The following MAPK6 variants were observed in gnomAD, a reference collection of about 807,000 sequenced individuals.
MAPK6 encodes the protein mitogen-activated protein kinase 6, also known as ERK-3.
A neutral mutation model predicts 59.3 loss-of-function variants in MAPK6; 19 were observed. The observed-to-expected ratio is 0.32, with a 90% CI of 0.22 to 0.47. The LOEUF (loss-of-function observed/expected upper bound fraction) is 0.47. Among genes scored for constraint, MAPK6 ranks in the 20% least tolerant of loss-of-function variants. MAPK6 has a pLI of 1.00. For missense variants in MAPK6, 724 were observed against 847.9 expected (o/e 0.85, Z 1.81); for synonymous variants, 316 against 290.3 (o/e 1.09, Z -0.90).
At chr15:52,034,219 A>T (rs1216248991) in intron 1 of MAPK6, among the ~76,000 whole-genome samples, 2 of 152,028 alleles carry the variant, frequency 1.3e-5, no homozygotes, top group Non-Finnish European at 2.9e-5. Context: ...TCCTCACCTC[A>T]GGTGATCCGC....
chr15:51,991,178 CACAT>C (rs1301800717), intron 2 of MAPK6, among the ~76,000 whole-genome samples: 2,749 of 148,836 alleles, frequency 0.018, 74 homozygotes, highest in African/African-American at 0.066. Flanking sequence ...CACACACACA[CACAT>C]ATATATATGT....
chr15:52,061,767 C>A (rs769678632), intron 5 of MAPK6, among the ~76,000 whole-genome samples: 14 of 152,024 alleles, frequency 9.2e-5, no homozygotes, highest in Non-Finnish European at 1.9e-4. Flanking sequence ...AGCAAGACTC[C>A]ATCTCAAAGA....
At chr15:51,972,420 C>A (rs529815116) in intron 1 of MAPK6, among the ~76,000 whole-genome samples, 1 of 92,584 alleles carries the variant, frequency 1.1e-5, no homozygotes, top group Non-Finnish European at 2.3e-5. Flanking sequence ...ATTACAGGTA[C>A]GGGTATTGAT....
intron 3 of MAPK6, among the ~76,000 whole-genome samples, chr15:52,051,459 T>G (rs1329565494): frequency 6.6e-6 from 1 of 152,160 alleles, no homozygotes; most frequent in Non-Finnish European, 1.5e-5. Flanking sequence ...AAGATTAGTG[T>G]ACATAGGAGA....
intron 2 of MAPK6, among the ~76,000 whole-genome samples, chr15:51,986,967 G>T (rs1017439146): frequency 2.6e-5 from 4 of 152,018 alleles, no homozygotes; most frequent in African/African-American, 9.7e-5. Context: ...TTAAAATATG[G>T]CTTCTATTTA....
intron 1 of MAPK6, among the ~76,000 whole-genome samples, chr15:52,039,448 T>C (rs889415277): frequency 4.6e-5 from 7 of 151,772 alleles, no homozygotes; most frequent in African/African-American, 1.5e-4. Context: ...TTAAAATGCA[T>C]GTAGGCAAGG....
At chr15:51,983,723 C>T (rs1354492313) in intron 2 of MAPK6, among the ~76,000 whole-genome samples, 1 of 152,020 alleles carries the variant, frequency 6.6e-6, no homozygotes, top group Non-Finnish European at 1.5e-5. Context: ...GGGAGGATCA[C>T]TTGAGCCTGG....
At chr15:52,018,379 A>T (rs1268788272), upstream of MAPK6, among the ~76,000 whole-genome samples, 1 of 152,186 alleles carries the variant, frequency 6.6e-6, no homozygotes, top group Non-Finnish European at 1.5e-5. Flanking sequence ...AGATGCCCAT[A>T]ATAATGACTA....
intron 1 of MAPK6, among the ~76,000 whole-genome samples, chr15:52,026,435 G>A (rs1369220652): frequency 6.6e-6 from 1 of 152,176 alleles, no homozygotes; most frequent in Non-Finnish European, 1.5e-5. Flanking sequence ...GGGATTACAG[G>A]CATGCACCAC....
chr15:52,060,181 A>G (rs1335757025), intron 4 of MAPK6, among the ~76,000 whole-genome samples: 2 of 152,190 alleles, frequency 1.3e-5, no homozygotes, highest in Admixed American at 1.3e-4. Context: ...CAAGGCTACA[A>G]TGAGCTATGA....
intron 1 of MAPK6, among the ~76,000 whole-genome samples, chr15:52,035,806 T>G (rs772711191): frequency 2.7e-4 from 41 of 152,150 alleles, no homozygotes; most frequent in Non-Finnish European, 4.7e-4. Context: ...TCTGCCACTT[T>G]GCCAGGAATG....
chr15:51,987,693 C>G (rs1595958802), intron 2 of MAPK6, among the ~76,000 whole-genome samples: 1 of 151,986 alleles, frequency 6.6e-6, no homozygotes, highest in African/African-American at 2.4e-5. Context: ...ATCCACTTTC[C>G]TGAATTTTTA....
intron 1 of MAPK6, among the ~76,000 whole-genome samples, chr15:51,973,887 G>T (rs2057149250): frequency 6.6e-6 from 1 of 151,736 alleles, no homozygotes. Context: ...CCTGACCTCA[G>T]GTGATCCACC....
chr15:52,062,084 T>G (rs2032227430), intron 5 of MAPK6, among the ~76,000 whole-genome samples: 1 of 151,218 alleles, frequency 6.6e-6, no homozygotes, highest in African/African-American at 2.5e-5. Context: ...TTTTTTTTTT[T>G]TGAGATGGAA....
chr15:52,055,875 A>G (rs562883169), intron 3 of MAPK6, among the ~76,000 whole-genome samples: 194 of 152,366 alleles, frequency 1.3e-3, no homozygotes, highest in African/African-American at 4.5e-3. Flanking sequence ...GACATTAAAT[A>G]TAGGAATAAA....
At chr15:52,002,789 G>A (rs901447659) in intron 2 of MAPK6, among the ~76,000 whole-genome samples, 5 of 152,220 alleles carry the variant, frequency 3.3e-5, no homozygotes, top group African/African-American at 1.2e-4. Context: ...GGAGGCCTCA[G>A]GAGACTTACA....
At chr15:52,020,807 C>T (rs953054521) in intron 1 of MAPK6, among the ~76,000 whole-genome samples, 1 of 152,122 alleles carries the variant, frequency 6.6e-6, no homozygotes, top group Admixed American at 6.5e-5. Context: ...TGCTATGTGC[C>T]AGGGATTGTA....
chr15:52,065,647 T>TTAA lies in MAPK6; in HGVS notation c.*650_*652dup, dbSNP rs2141140791. ...GGTATGCATTCTTTATAGTGAAGTG[T>TTAA]TAATACATCACATCTTATTTATTTT... On this transcript the variant is annotated 3_prime_UTR_variant, in exon 6 of 6. Coordinates refer to ENST00000261845, the MANE Select transcript of MAPK6 (RefSeq NM_002748.4). 1 of 152,790 alleles carries TTAA rather than the reference T, an allele frequency of 6.5e-6. No individual in the cohort carries two copies. Among genetic ancestry groups the TTAA allele is most frequent in the East Asian group, 1.9e-4 (1 of 5,194 alleles). The allele number at this position is 152,790 out of a possible 1,614,324, so 9.5% of individuals were successfully genotyped here. A position where few individuals can be genotyped will look rare whatever the true frequency, so the allele number is the denominator to read the frequency against.
chr15:51,981,585 C>T (rs2141806652), intron 1 of MAPK6, among the ~76,000 whole-genome samples: 1 of 152,188 alleles, frequency 6.6e-6, no homozygotes, highest in South Asian at 2.1e-4. Flanking sequence ...CAAAGTTTGT[C>T]CTTTTGGAAC....
Sources: gnomAD v4.1 joint callset for allele counts (sites outside exome capture counted in the v4.1 genomes callset) on GRCh38, gnomAD v4.1.1 for gene constraint, MANE v1.5 for transcripts, NCBI Gene and HGNC (gene_info 2026-07-23, HGNC 2026-07-21) for gene names.